Variants in C1orf94 observed in about 807,000 individuals in gnomAD.
C1orf94 encodes chromosome 1 open reading frame 94.
In C1orf94, 45 loss-of-function variants were observed where a neutral mutation model predicts 53.6. That is an observed-to-expected ratio of 0.84 (90% CI 0.66 to 1.08). The LOEUF (loss-of-function observed/expected upper bound fraction) is 1.08, where lower values mean the gene tolerates loss of function less well. Ranked by LOEUF, C1orf94 falls within the 50% of genes least tolerant of loss-of-function variation. The pLI is 0.00. For missense variants in C1orf94, 762 were observed against 738.9 expected (o/e 1.03, Z -0.36); for synonymous variants, 304 against 296.1 (o/e 1.03, Z -0.27).
chr1:34,207,951 C>T (rs1000943026), intron 4 of C1orf94, among the ~76,000 whole-genome samples: 1 of 152,196 alleles, frequency 6.6e-6, no homozygotes, highest in African/African-American at 2.4e-5. Flanking sequence ...ATCAGAAAGG[C>T]TGTGAAGGCT....
intron 1 of C1orf94, among the ~76,000 whole-genome samples, chr1:34,181,876 T>C (rs1642315870): frequency 6.6e-6 from 1 of 152,064 alleles, no homozygotes. Context: ...TCAAGGGAAG[T>C]TCTGGAAAGA....
rs535454453 is a variant in C1orf94 at position 34,197,803 on chromosome 1, G to A, written c.899G>A (p.Arg300His). The change falls in exon 2 of 7, where the codon CGT (arginine) becomes CAT (histidine). Residue 300 changes from arginine (R) to histidine (H), a missense_variant. Transcript: ENST00000488417. The surrounding 1 kb of genome is among the most constrained non-coding windows in gnomAD (Gnocchi z 4.1). The stretch of plus-strand genomic sequence containing the variant: ...CTGCCTCCCCGACCTCCTCCTGCAC[G>A]TCCTGACAAGCTCCCTGAGCTCCCT... ...LLLPPRPPPA[R>H]PDKLPELPAQ... The A allele has an allele frequency of 1.4e-5, 22 of 1,614,182 alleles. No homozygotes were observed. Among genetic ancestry groups the A allele is most frequent in the African/African-American group, 2.7e-5 (2 of 75,050 alleles).
intron 5 of C1orf94, among the ~76,000 whole-genome samples, chr1:34,210,686 G>A (rs1366049820): frequency 3.3e-5 from 5 of 151,236 alleles, no homozygotes; most frequent in Admixed American, 1.3e-4. Flanking sequence ...ACGGAGTCTC[G>A]CTCTGTTGCC....
Position 34,197,541 on chromosome 1 carries a change from G to C in C1orf94, c.637G>C (p.Ala213Pro). 2 of 1,614,140 alleles carry C rather than the reference G, an allele frequency of 1.2e-6. No individual in the cohort carries two copies. Among genetic ancestry groups the C allele is most frequent in the Non-Finnish European group, 1.7e-6 (2 of 1,180,024 alleles). Reference sequence around the variant, plus strand: ...TTCTACTGTCACAGACATTCTGTGTGCCGCCGAGGTCAAGAGCAGCAAGGG... The same window carrying C: ...TTCTACTGTCACAGACATTCTGTGTCCCGCCGAGGTCAAGAGCAGCAAGGG... Reference protein sequence around the residue: ...ATSTVTDILCAAEVKSSKGTE... With the variant: ...ATSTVTDILCPAEVKSSKGTE... The change falls in exon 2 of 7, where the codon GCC becomes CCC. Residue 213 changes from alanine to proline, a missense_variant. Physicochemically the swap from Ala to Pro is conservative, Grantham distance 27 (BLOSUM62 -1). Coordinates refer to ENST00000488417, the MANE Select transcript of C1orf94 (RefSeq NM_001134734.2). This position sits in a 1 kb window ranked among gnomAD's most constrained non-coding sequence, Gnocchi z 4.1.
intron 1 of C1orf94, among the ~76,000 whole-genome samples, chr1:34,169,243 A>G (rs297786): frequency 0.17 from 25,341 of 152,068 alleles, 2,363 homozygotes; most frequent in East Asian, 0.42. Context: ...CTGCAGGGCA[A>G]TGGAGAGGCA....
At chr1:34,183,670 A>G (rs1398255063) in intron 1 of C1orf94, among the ~76,000 whole-genome samples, 2 of 152,154 alleles carry the variant, frequency 1.3e-5, no homozygotes, top group Non-Finnish European at 2.9e-5. Context: ...AGCCTGGCTA[A>G]CATGGTAAAA....
intron 6 of C1orf94, among the ~76,000 whole-genome samples, chr1:34,214,265 G>T (rs372451492): frequency 3.3e-5 from 5 of 152,216 alleles, no homozygotes; most frequent in Non-Finnish European, 7.3e-5. Context: ...GAGGCCTGGG[G>T]AATAAAGGAG....
At chr1:34,185,533 C>T (rs1642372611) in intron 1 of C1orf94, among the ~76,000 whole-genome samples, 2 of 152,174 alleles carry the variant, frequency 1.3e-5, no homozygotes, top group Admixed American at 1.3e-4. Flanking sequence ...GTCCCATTGA[C>T]ACTGATGCAC....
intron 6 of C1orf94, among the ~76,000 whole-genome samples, chr1:34,216,848 G>A (rs1446513459): frequency 6.6e-6 from 1 of 152,200 alleles, no homozygotes; most frequent in African/African-American, 2.4e-5. Flanking sequence ...GGAGGCCAAG[G>A]CAGGTGGATC....
chr1:34,187,481 C>T (rs1642401022), intron 1 of C1orf94, among the ~76,000 whole-genome samples: 1 of 152,000 alleles, frequency 6.6e-6, no homozygotes, highest in South Asian at 2.1e-4. Context: ...GGAGCTGTGT[C>T]GCAGGTTGTG....
intron 1 of C1orf94, among the ~76,000 whole-genome samples, chr1:34,185,903 A>G (rs952520201): frequency 1.3e-5 from 2 of 152,180 alleles, no homozygotes; most frequent in Non-Finnish European, 2.9e-5. Context: ...CATGCTCTAT[A>G]AACCAACAAG....
intron 6 of C1orf94, 69 bp downstream of exon 6, chr1:34,212,475 G>A: frequency 6.8e-7 from 1 of 1,460,362 alleles, no homozygotes; most frequent in Non-Finnish European, 9.3e-7. Context: ...AAGTTGGGTG[G>A]GCTTACCAGC....
chr1:34,211,552 C>A (rs1230891919), intron 5 of C1orf94, among the ~76,000 whole-genome samples: 1 of 152,206 alleles, frequency 6.6e-6, no homozygotes, highest in Non-Finnish European at 1.5e-5. Flanking sequence ...TCTACTATGG[C>A]AGCCACCAGC....
At chr1:34,188,885 G>T (rs1557480111) in intron 1 of C1orf94, among the ~76,000 whole-genome samples, 2 of 152,172 alleles carry the variant, frequency 1.3e-5, no homozygotes, top group Admixed American at 1.3e-4. Context: ...GAATGAATCT[G>T]CAATTTCTCT....
chr1:34,209,649 G>A (rs575513649), intron 5 of C1orf94, among the ~76,000 whole-genome samples: 4 of 152,246 alleles, frequency 2.6e-5, no homozygotes, highest in African/African-American at 7.2e-5. Flanking sequence ...TAGAATGTTC[G>A]GGAGGGTAGG....
At chr1:34,193,998 C>T (rs748592557) in intron 1 of C1orf94, among the ~76,000 whole-genome samples, 3 of 152,074 alleles carry the variant, frequency 2.0e-5, no homozygotes, top group Non-Finnish European at 2.9e-5. Context: ...TGAAACCCAC[C>T]GTGAGTTCAG....
At chr1:34,189,618 G>A (rs1005656328) in intron 1 of C1orf94, among the ~76,000 whole-genome samples, 1 of 148,262 alleles carries the variant, frequency 6.7e-6, no homozygotes, top group Admixed American at 6.7e-5. Context: ...CTTGGCCTGA[G>A]CCAGGGTGGG....
intron 1 of C1orf94, among the ~76,000 whole-genome samples, chr1:34,181,164 CGA>C (rs997460815): frequency 6.6e-6 from 1 of 152,064 alleles, no homozygotes; most frequent in African/African-American, 2.4e-5. Context: ...TTTTTTCTTT[CGA>C]TACCCCTTTG....
chr1:34,188,192 G>A (rs1226917307), intron 1 of C1orf94, among the ~76,000 whole-genome samples: 1 of 152,192 alleles, frequency 6.6e-6, no homozygotes. Context: ...GCATGTGTGT[G>A]AAAGGTTCTC....
Sources: gnomAD v4.1 joint callset for allele counts (sites outside exome capture counted in the v4.1 genomes callset) on GRCh38, gnomAD v4.1.1 for gene constraint, Gnocchi (gnomAD v3.1) non-coding constraint, MANE v1.5 for transcripts, NCBI Gene and HGNC (gene_info 2026-07-23, HGNC 2026-07-21) for gene names.